ZNF804B: variants seen among roughly 807,000 people sequenced by gnomAD.
The protein encoded by ZNF804B is zinc finger 804B.
A neutral mutation model predicts 101.4 loss-of-function variants in ZNF804B; 80 were observed. The observed-to-expected ratio is 0.79, with a 90% confidence interval of 0.66 to 0.95. The LOEUF is 0.95. ZNF804B is among the 40% of genes least tolerant of loss of function. The pLI is 0.00. For synonymous variants in ZNF804B, 622 were observed against 558.8 expected (o/e 1.11, Z -1.59); for missense variants, 1,673 against 1,561.9 (o/e 1.07, Z -1.20).
intron 1 of ZNF804B, among the ~76,000 whole-genome samples, chr7:89,162,190 C>G (rs919768328): frequency 1.3e-5 from 2 of 152,100 alleles, no homozygotes; most frequent in African/African-American, 4.8e-5. Flanking sequence ...CATTTTTTAA[C>G]AAGTATAGAT....
intron 1 of ZNF804B, among the ~76,000 whole-genome samples, chr7:89,092,900 G>C (rs1789916991): frequency 6.6e-6 from 1 of 152,144 alleles, no homozygotes; most frequent in Non-Finnish European, 1.5e-5. Context: ...AGATCTGGGT[G>C]CTAGATGTAT....
At chr7:88,881,621 A>G (rs1792030162) in intron 1 of ZNF804B, among the ~76,000 whole-genome samples, 1 of 152,176 alleles carries the variant, frequency 6.6e-6, no homozygotes, top group Non-Finnish European at 1.5e-5. Flanking sequence ...TTCTTTCCTT[A>G]CAAATCCATC....
At chr7:89,055,314 T>G (rs1220086204) in intron 1 of ZNF804B, among the ~76,000 whole-genome samples, 1 of 152,076 alleles carries the variant, frequency 6.6e-6, no homozygotes, top group East Asian at 1.9e-4. Flanking sequence ...GGTCCAGGTT[T>G]TCTAAACCTT....
At chr7:89,163,907 C>G (rs115157880) in intron 1 of ZNF804B, among the ~76,000 whole-genome samples, 1 of 150,972 alleles carries the variant, frequency 6.6e-6, no homozygotes, top group African/African-American at 2.4e-5. Context: ...TTGTTTCTTT[C>G]TTCTTCCTCT....
At chr7:88,846,463 C>T (rs992771064) in intron 1 of ZNF804B, among the ~76,000 whole-genome samples, 2 of 152,190 alleles carry the variant, frequency 1.3e-5, no homozygotes, top group Non-Finnish European at 2.9e-5. Context: ...TATGTTATCT[C>T]CTCAGTGCCA....
intron 2 of ZNF804B, among the ~76,000 whole-genome samples, chr7:89,248,823 A>G (rs1789490598): frequency 6.6e-6 from 1 of 152,084 alleles, no homozygotes; most frequent in Admixed American, 6.6e-5. Flanking sequence ...CCCCCCTTGA[A>G]AGTCATAGAG....
chr7:89,308,082 A>G (rs1008133528), intron 2 of ZNF804B, among the ~76,000 whole-genome samples: 8 of 152,136 alleles, frequency 5.3e-5, no homozygotes, highest in Admixed American at 4.6e-4. Context: ...ACTTGCAAGA[A>G]AAAAAGTGAG....
chr7:88,922,929 A>G (rs1011311230), intron 1 of ZNF804B, among the ~76,000 whole-genome samples: 24 of 152,240 alleles, frequency 1.6e-4, no homozygotes, highest in Non-Finnish European at 2.5e-4. Context: ...TTGAGTATCA[A>G]TGAAGGAAAT....
intron 1 of ZNF804B, among the ~76,000 whole-genome samples, chr7:88,807,141 A>C (rs1790704520): frequency 6.6e-6 from 1 of 152,214 alleles, no homozygotes; most frequent in Non-Finnish European, 1.5e-5. Context: ...AGAGAAAATG[A>C]AATATTTTAA....
At chr7:89,313,792 G>T (rs1026634115) in intron 2 of ZNF804B, among the ~76,000 whole-genome samples, 1 of 152,128 alleles carries the variant, frequency 6.6e-6, no homozygotes, top group Non-Finnish European at 1.5e-5. Context: ...AAGTGGAGAG[G>T]ATATGTGAAG....
intron 1 of ZNF804B, among the ~76,000 whole-genome samples, chr7:89,033,030 A>G (rs1788862749): frequency 1.4e-5 from 2 of 147,536 alleles, no homozygotes; most frequent in Admixed American, 6.9e-5. Context: ...CTTGTGCAAT[A>G]TATTTAAAAG....
intron 2 of ZNF804B, among the ~76,000 whole-genome samples, chr7:89,258,770 A>G (rs1472487693): frequency 6.6e-6 from 1 of 152,166 alleles, no homozygotes; most frequent in Non-Finnish European, 1.5e-5. Context: ...AGCTAGAGAG[A>G]CAATATTTTA....
Position 89,249,301 on chromosome 7 carries a change from C to T in ZNF804B, c.249+31006C>T, listed in dbSNP as rs149001779. 3.8e-3 allele frequency among the ~76,000 whole-genome samples: 574 copies of T among 152,228 alleles called. 3 individuals are homozygous for T. Among genetic ancestry groups the T allele is most frequent in the African/African-American group, 0.013 (551 of 41,538 alleles). ...TTGGACCTAATATATATGTACAGAA[C>T]ACTCTACACATCAACCACAGAATAT... On this transcript the variant is annotated intron_variant, in intron 2 of 3. Coordinates refer to ENST00000333190, the MANE Select transcript of ZNF804B (RefSeq NM_181646.5).
chr7:88,926,043 A>G (rs1224491631), intron 1 of ZNF804B, among the ~76,000 whole-genome samples: 1 of 152,148 alleles, frequency 6.6e-6, no homozygotes. Context: ...CTAGGTCAAA[A>G]ATGTAAAACA....
chr7:89,272,840 G>A (rs1298079212), intron 2 of ZNF804B, among the ~76,000 whole-genome samples: 1 of 152,008 alleles, frequency 6.6e-6, no homozygotes, highest in Non-Finnish European at 1.5e-5. Flanking sequence ...AACTGTCTTA[G>A]ACAGAACATT....
chr7:89,124,033 G>A (rs1356668143), intron 1 of ZNF804B, among the ~76,000 whole-genome samples: 1 of 152,130 alleles, frequency 6.6e-6, no homozygotes, highest in Non-Finnish European at 1.5e-5. Flanking sequence ...AAGGAACCAC[G>A]TTGAATTGTG....
chr7:88,920,941 T>C (rs1028687572), intron 1 of ZNF804B, among the ~76,000 whole-genome samples: 4 of 152,024 alleles, frequency 2.6e-5, no homozygotes, highest in African/African-American at 9.7e-5. Context: ...ATTATCAATG[T>C]ATTGTTAGTG....
intron 1 of ZNF804B, among the ~76,000 whole-genome samples, chr7:88,901,084 A>C (rs928349232): frequency 1.3e-5 from 2 of 151,842 alleles, no homozygotes; most frequent in African/African-American, 2.4e-5. Context: ...ATTTTGGTAC[A>C]TAAAAGGTAT....
chr7:89,222,019 G>C (rs1056763407), intron 2 of ZNF804B, among the ~76,000 whole-genome samples: 2 of 151,882 alleles, frequency 1.3e-5, no homozygotes, highest in East Asian at 1.9e-4. Context: ...ACTTAAAAGA[G>C]AGCACACAAA....
Sources: allele counts gnomAD v4.1 joint callset (sites outside exome capture counted in the v4.1 genomes callset), GRCh38; gene constraint gnomAD v4.1.1; transcripts MANE v1.5; gene names NCBI Gene and HGNC (gene_info 2026-07-23, HGNC 2026-07-21).